LILRB3: variants seen among roughly 807,000 people sequenced by gnomAD.
The protein encoded by LILRB3 is leukocyte immunoglobulin-like receptor subfamily B member 3.
LILRB3 carries 32 observed loss-of-function variants against 68.2 expected under a neutral mutation model. That is an observed-to-expected ratio of 0.47 (90% CI 0.35 to 0.63). The LOEUF is 0.63. Ranked by LOEUF, LILRB3 falls within the 30% of genes least tolerant of loss-of-function variation. The pLI is 0.00. For synonymous variants in LILRB3, 185 were observed against 323.1 expected (o/e 0.57, Z 4.58); for missense variants, 502 against 791.3 (o/e 0.63, Z 4.39).
At position 54,218,225 on chromosome 19, in the gene LILRB3, C is replaced by G. The variant is rs528970546; in HGVS notation, c.1593+136G>C. ...CAGAAGAGAGTGAGGTCACAGCAGG[C>G]GGGAGGCAGCATGCTGGACAAGGAG... is the stretch of plus-strand genomic sequence containing the variant. On this transcript the variant is annotated intron_variant, in intron 11 of 12. Transcript: ENST00000445347. 2.4e-5 allele frequency: 29 copies of G among 1,221,580 alleles called. No individual in the cohort carries two copies. In the Admixed American group the frequency reaches 4.9e-4, roughly 21 times the overall value. 75.7% of individuals were successfully genotyped at this position (1,221,580 alleles called of 1,614,324 possible).
chr19:54,218,819 GA>G lies in LILRB3; in HGVS notation c.1445del (p.Phe482SerfsTer18). On this transcript the variant is annotated frameshift_variant, in exon 9 of 13. Coordinates refer to ENST00000445347, the Ensembl canonical transcript of LILRB3. LOFTEE classifies it high-confidence loss of function. ...TCTCCGCAGCCCCTGCAGGACGCTG[GA>G]AATCAGTCTTTCTCTGGTCTGGGTG... 6.2e-7 allele frequency: 1 copy of G among 1,614,104 alleles called. No homozygotes were observed. Among genetic ancestry groups the G allele is most frequent in the Non-Finnish European group, 8.5e-7 (1 of 1,180,010 alleles).
exon 13 of LILRB3, chr19:54,216,984 AG>A: frequency 6.3e-7 from 1 of 1,584,550 alleles, no homozygotes; most frequent in Non-Finnish European, 8.6e-7. Context: ...GGTCTGTGTT[AG>A]GGGTCCAGGC....
At position 54,216,960 on chromosome 19, in the gene LILRB3, C is replaced by T. The variant is rs1473538801; in HGVS notation, c.*133G>A. On this transcript the variant is annotated 3_prime_UTR_variant, in exon 13 of 13. Coordinates refer to ENST00000445347, the Ensembl canonical transcript of LILRB3. ...GAGTCAGGTGAGTCCCACAAGTTCCCAGCGTCTCCTCATGGTCTGTGTTAG... is the reference window on the plus strand; with the variant it reads ...GAGTCAGGTGAGTCCCACAAGTTCCTAGCGTCTCCTCATGGTCTGTGTTAG... 5.3e-6 allele frequency: 8 copies of T among 1,514,512 alleles called. No individual in the cohort carries two copies. In the Admixed American group the frequency reaches 6.7e-5, roughly 13 times the overall value. The allele number at this position is 1,514,512 out of a possible 1,614,324, so 93.8% of individuals were successfully genotyped here.
intron 8 of LILRB3, 120 bp downstream of exon 8, chr19:54,219,009 A>C: frequency 6.6e-7 from 1 of 1,524,054 alleles, no homozygotes; most frequent in Non-Finnish European, 8.8e-7. Flanking sequence ...ATGCGTATTG[A>C]AATTACGTGC....
At chr19:54,219,906 G>C (rs766142876) in intron 7 of LILRB3, 1 of 1,545,712 alleles carries the variant, frequency 6.5e-7, no homozygotes, top group South Asian at 1.2e-5. Flanking sequence ...TAAGGGGCTG[G>C]TCCTCAGGAC....
chr19:54,221,563 CTG>C, intron 4 of LILRB3, 184 bp from the exon 5 acceptor site: 1 of 1,458,470 alleles, frequency 6.9e-7, no homozygotes, highest in Non-Finnish European at 9.0e-7. Flanking sequence ...GCCCTGGCCA[CTG>C]TGCCTGATCT....
chr19:54,217,441 A>T, exon 12 of LILRB3: 2 of 1,609,498 alleles, frequency 1.2e-6, no homozygotes, highest in East Asian at 2.2e-5. Context: ...ACCGGGGCAT[A>T]CGTCACTGCC....
chr19:54,216,348 C>T (rs1403367066), exon 13 of LILRB3: 2 of 145,560 alleles, frequency 1.4e-5, no homozygotes, highest in Admixed American at 7.0e-5. Context: ...CTCACTCTGT[C>T]GCCCAGGCTG....
At chr19:54,221,832 G>C (rs1227864357) in exon 4 of LILRB3, 2 of 1,582,770 alleles carry the variant, frequency 1.3e-6, no homozygotes, top group Non-Finnish European at 1.7e-6. Flanking sequence ...CCTCACCTGA[G>C]GGCAGAATCT....
chr19:54,218,598 A>C lies in LILRB3; in HGVS notation c.1540+47T>G, dbSNP rs1434497485. 6 of 1,612,706 alleles carry C rather than the reference A, an allele frequency of 3.7e-6. No individual in the cohort carries two copies. In the East Asian group the frequency reaches 1.3e-4, roughly 36 times the overall value. On this transcript the variant is annotated intron_variant, in intron 10 of 12. Transcript: ENST00000445347. ...TCCCTGTTGCTACTGAAATTTTGGG[A>C]CTCCTGTCTCTCCAGCACCCCCATT... is the stretch of plus-strand genomic sequence containing the variant.
exon 12 of LILRB3, chr19:54,217,321 C>G (rs145192800): frequency 1.3e-6 from 2 of 1,588,898 alleles, no homozygotes; most frequent in Admixed American, 3.4e-5. Context: ...GGACTCACCT[C>G]AGTGTCCATC....
At chr19:54,218,898 GC>G (rs1555879776) in intron 8 of LILRB3, 60 bp from the exon 9 acceptor site, 1 of 1,605,808 alleles carries the variant, frequency 6.2e-7, no homozygotes. Context: ...TTCTACACAT[GC>G]AACTTGAGGG....
Position 54,220,594 on chromosome 19 carries a change from C to T in LILRB3, c.1192G>A (p.Gly398Ser), listed in dbSNP as rs781128474. 36 of 1,477,330 alleles carry T rather than the reference C, an allele frequency of 2.4e-5. 2 individuals are homozygous for T. Among genetic ancestry groups the T allele is most frequent in the African/African-American group, 9.5e-5 (6 of 63,060 alleles). The allele number at this position is 1,477,330 out of a possible 1,614,324, so 91.5% of individuals were successfully genotyped here. The change falls in exon 6 of 13, where the codon GGC (glycine) becomes AGC (serine). Residue 398 changes from glycine to serine, a missense_variant. Coordinates refer to ENST00000445347, the Ensembl canonical transcript of LILRB3. ...AGGTGGGGGTTGGAGCTGCGTGAGC[C>T]GTAGCACCTGTAGGTCCCCGCGTGG... is the stretch of plus-strand genomic sequence containing the variant.
rs2077532807 is a variant in LILRB3, at chr19:54,217,114, G to GTAGA, written c.1871_1874dup (p.Ala626LeufsTer26). The GTAGA allele has an allele frequency of 1.2e-6, 2 of 1,614,170 alleles. No individual in the cohort carries two copies. The highest frequency in any genetic ancestry group is 1.7e-6 in the Non-Finnish European group (2 of 1,180,032). On this transcript the variant is annotated frameshift_variant, in exon 13 of 13. Transcript: ENST00000445347. LOFTEE classifies it high-confidence loss of function. Reference sequence around the variant, plus strand: ...CGGGCTAGTGGATGGCCAGAGTGGCGTAGATGCTGGGCTCAGCTGGAGGTT... The same window carrying GTAGA: ...CGGGCTAGTGGATGGCCAGAGTGGCGTAGATAGATGCTGGGCTCAGCTGGAGGTT...
Position 54,222,944 on chromosome 19 carries a change from A to T in LILRB3, c.33T>A (p.Leu11=), listed in dbSNP as rs80332440. The T allele has an allele frequency of 4.8e-5, 78 of 1,612,360 alleles. 2 individuals are homozygous for T. In the East Asian group the frequency reaches 1.4e-3, roughly 28 times the overall value. ...CCCCTCCCCATCTTGAAATCTCACCAAGGCAGAGCAGGGCTGTGAGGGCGG... is the reference window on the plus strand; with the variant it reads ...CCCCTCCCCATCTTGAAATCTCACCTAGGCAGAGCAGGGCTGTGAGGGCGG... Residue 11 remains leucine (L), a splice_region_variant and synonymous_variant, in exon 1 of 13, where the codon CTT becomes CTA. Transcript: ENST00000445347.
At chr19:54,222,254 T>G (rs2078263650) in intron 3 of LILRB3, 24 bp downstream of exon 3, 1 of 1,611,204 alleles carries the variant, frequency 6.2e-7, no homozygotes, top group Non-Finnish European at 8.5e-7. Context: ...AGCCTGGGGC[T>G]GGGACCCCAG....
chr19:54,218,260 G>A lies in LILRB3; in HGVS notation c.1593+101C>T, dbSNP rs113418242. On this transcript the variant is annotated intron_variant, in intron 11 of 12. Transcript: ENST00000445347. ...CATGCTGGACAAGGAGGGGTCCACC[G>A]TGACGATGCTGAGAGCCGGGGGAAG... is the stretch of plus-strand genomic sequence containing the variant. 1.3e-3 allele frequency: 1,869 copies of A among 1,489,264 alleles called. 11 individuals are homozygous for A. The African/African-American group carries it at 0.02, about 16-fold the overall frequency. The allele number at this position is 1,489,264 out of a possible 1,614,324, so 92.3% of individuals were successfully genotyped here.
exon 8 of LILRB3, chr19:54,219,207 C>A: frequency 6.2e-7 from 1 of 1,603,528 alleles, no homozygotes; most frequent in Admixed American, 1.8e-5. Context: ...ACGAAGGCCA[C>A]CGAGACCCCA....
At position 54,217,484 on chromosome 19, in the gene LILRB3, A is replaced by G. The variant is rs753460671; in HGVS notation, c.1594-10T>C. On this transcript the variant is annotated splice_polypyrimidine_tract_variant and intron_variant, in intron 11 of 12. Transcript: ENST00000445347. ...CTTCATCGTGTGGGCTCTGCTGGAG[A>G]GAGACAGTGGTGGGGGGTGTCCTTG... 6.2e-7 allele frequency: 1 copy of G among 1,604,748 alleles called. No homozygotes were observed. Among genetic ancestry groups the G allele is most frequent in the Admixed American group, 1.7e-5 (1 of 59,620 alleles).
Sources: allele counts gnomAD v4.1 joint callset, GRCh38; gene constraint gnomAD v4.1.1; transcripts MANE v1.5; gene names NCBI Gene and HGNC (gene_info 2026-07-23, HGNC 2026-07-21).